Variants in FHIT observed in about 807,000 individuals in gnomAD.
FHIT encodes the protein fragile histidine triad diadenosine triphosphatase, also known as bis(5'-adenosyl)-triphosphatase.
Under a neutral mutation model 17.9 loss-of-function variants are expected in FHIT, and 19 were observed. The ratio of observed to expected loss-of-function variants is 1.06; its 90% CI spans 0.74 to 1.56. The LOEUF is 1.56. Ranked by LOEUF, FHIT falls within the 40% of genes most tolerant of loss-of-function variation. FHIT has a pLI of 0.00. For missense variants in FHIT, 248 were observed against 189.2 expected, an observed-to-expected ratio of 1.31 and a Z score of -1.82; for synonymous variants, 81 against 69.7, an observed-to-expected ratio of 1.16 and a Z score of -0.81.
At chr3:60,438,263 C>A (rs550335601) in intron 5 of FHIT, among the ~76,000 whole-genome samples, 1 of 152,126 alleles carries the variant, frequency 6.6e-6, no homozygotes, top group African/African-American at 2.4e-5. Context: ...GAAAAACACA[C>A]CGATGGGTGG....
chr3:60,174,100 G>C (rs868259380), intron 5 of FHIT, among the ~76,000 whole-genome samples: 48 of 150,658 alleles, frequency 3.2e-4, no homozygotes, highest in Middle Eastern at 3.4e-3. Context: ...TTTTAGTAGA[G>C]ACAGTTTCAC....
chr3:59,854,374 C>T (rs1702066567), intron 8 of FHIT, among the ~76,000 whole-genome samples: 1 of 152,060 alleles, frequency 6.6e-6, no homozygotes, highest in African/African-American at 2.4e-5. Flanking sequence ...GTGCTTACGT[C>T]GCATGTGCAA....
intron 1 of FHIT, among the ~76,000 whole-genome samples, chr3:61,209,925 T>C (rs544639565): frequency 6.6e-6 from 1 of 152,352 alleles, no homozygotes; most frequent in Admixed American, 6.5e-5. Context: ...GCTCTGTTTT[T>C]TCCCCATCTT....
intron 1 of FHIT, among the ~76,000 whole-genome samples, chr3:61,204,487 G>C (rs776100779): frequency 6.6e-6 from 1 of 152,006 alleles, no homozygotes; most frequent in African/African-American, 2.4e-5. Flanking sequence ...TAGAGTAAAC[G>C]CAATCGATTC....
chr3:60,177,222 G>C (rs1400742573), intron 5 of FHIT, among the ~76,000 whole-genome samples: 1 of 151,410 alleles, frequency 6.6e-6, no homozygotes, highest in Non-Finnish European at 1.5e-5. Flanking sequence ...AATAAGGAGG[G>C]GAAGGAGAGA....
intron 7 of FHIT, among the ~76,000 whole-genome samples, chr3:60,006,464 G>A (rs759113192): frequency 6.6e-6 from 1 of 152,038 alleles, no homozygotes; most frequent in Admixed American, 6.6e-5. Context: ...TGAGATTAAC[G>A]TTAAGAAACA....
At chr3:61,026,887 T>A (rs1369844334) in intron 3 of FHIT, among the ~76,000 whole-genome samples, 1 of 152,148 alleles carries the variant, frequency 6.6e-6, no homozygotes, top group African/African-American at 2.4e-5. Flanking sequence ...CACTTTTGAG[T>A]TGGATTGAAA....
chr3:60,395,866 A>G (rs1386959573), intron 5 of FHIT, among the ~76,000 whole-genome samples: 1 of 152,166 alleles, frequency 6.6e-6, no homozygotes, highest in African/African-American at 2.4e-5. Flanking sequence ...TCCAGCTTGG[A>G]CAGGGTTATT....
chr3:60,170,295 G>T (rs532369128), intron 5 of FHIT, among the ~76,000 whole-genome samples: 31 of 152,248 alleles, frequency 2.0e-4, no homozygotes, highest in Admixed American at 4.6e-4. Context: ...ATCACAGAAG[G>T]AAGTGGATGT....
chr3:60,775,047 T>C (rs1203734192), intron 4 of FHIT, among the ~76,000 whole-genome samples: 1 of 152,234 alleles, frequency 6.6e-6, no homozygotes, highest in Non-Finnish European at 1.5e-5. Context: ...ACTGTGTTAA[T>C]GCAGACCAAA....
chr3:60,467,260 G>T (rs2032850325), intron 5 of FHIT, among the ~76,000 whole-genome samples: 1 of 151,174 alleles, frequency 6.6e-6, no homozygotes. Context: ...TTTTTCTGAA[G>T]ATTTGTCAAT....
At chr3:60,968,134 A>G (rs982983132) in intron 3 of FHIT, among the ~76,000 whole-genome samples, 5 of 152,230 alleles carry the variant, frequency 3.3e-5, no homozygotes, top group African/African-American at 7.2e-5. Flanking sequence ...TGAGAGCAGA[A>G]ATGTGTTTCT....
intron 5 of FHIT, among the ~76,000 whole-genome samples, chr3:60,406,005 GC>G (rs1295590687): frequency 8.5e-5 from 13 of 152,134 alleles, no homozygotes; most frequent in African/African-American, 3.1e-4. Flanking sequence ...ATAGAGTATA[GC>G]CTGGCACATA....
At chr3:60,929,796 T>C (rs553535143) in intron 3 of FHIT, among the ~76,000 whole-genome samples, 146 of 152,296 alleles carry the variant, frequency 9.6e-4, no homozygotes, top group African/African-American at 3.4e-3. Context: ...CCCAAGGCAA[T>C]TTATAGATTC....
chr3:60,653,863 C>G (rs2040054127), intron 4 of FHIT, among the ~76,000 whole-genome samples: 1 of 152,134 alleles, frequency 6.6e-6, no homozygotes, highest in Non-Finnish European at 1.5e-5. Context: ...TCCCATTCAC[C>G]CTGATATGGC....
chr3:60,933,636 C>G (rs1708063816), intron 3 of FHIT, among the ~76,000 whole-genome samples: 1 of 152,134 alleles, frequency 6.6e-6, no homozygotes, highest in African/African-American at 2.4e-5. Context: ...TTACCATTAC[C>G]ATTTACTACT....
intron 5 of FHIT, among the ~76,000 whole-genome samples, chr3:60,451,578 T>C (rs1576677348): frequency 6.6e-6 from 1 of 152,210 alleles, no homozygotes; most frequent in East Asian, 1.9e-4. Flanking sequence ...TAAACAAAAT[T>C]TCATAAAGGA....
chr3:60,736,379 GA>G (rs140559295), intron 4 of FHIT, among the ~76,000 whole-genome samples: 86 of 151,624 alleles, frequency 5.7e-4, no homozygotes, highest in South Asian at 6.3e-4. Context: ...CAAAATGTGG[GA>G]AAAAAAACCT....
intron 8 of FHIT, among the ~76,000 whole-genome samples, chr3:59,776,708 T>C (rs116621614): frequency 1.4e-4 from 22 of 152,314 alleles, no homozygotes; most frequent in African/African-American, 5.3e-4. Flanking sequence ...TCAATAATAA[T>C]CAGAGCTGAC....
Sources: gnomAD v4.1 joint callset for allele counts (sites outside exome capture counted in the v4.1 genomes callset) on GRCh38, gnomAD v4.1.1 for gene constraint, MANE v1.5 for transcripts, NCBI Gene and HGNC (gene_info 2026-07-23, HGNC 2026-07-21) for gene names.